Variants in PDCD10 observed in about 807,000 individuals in gnomAD.
PDCD10 encodes the protein programmed cell death 10, also known as programmed cell death protein 10.
PDCD10 carries 4 observed loss-of-function variants against 29.2 expected under a neutral mutation model. The observed-to-expected ratio is 0.14, with a 90% CI of 0.07 to 0.31. PDCD10 has a LOEUF of 0.31. Ranked by LOEUF, PDCD10 falls within the 10% of genes least tolerant of loss-of-function variation. The probability of loss-of-function intolerance (pLI) is 1.00; values close to 1 mark genes in which losing one functional copy is unlikely to be tolerated. For synonymous variants in PDCD10, 70 were observed against 82.2 expected (o/e 0.85, Z 0.80); for missense variants, 183 against 257.9 (o/e 0.71, Z 1.99).
At chr3:167,692,426 G>A (rs2108391953) in intron 6 of PDCD10, among the ~76,000 whole-genome samples, 1 of 152,284 alleles carries the variant, frequency 6.6e-6, no homozygotes, top group South Asian at 2.1e-4. Flanking sequence ...GTCAGACGTG[G>A]AATTTTCCAC....
chr3:167,692,658 C>T (rs930239006), intron 6 of PDCD10, among the ~76,000 whole-genome samples: 1 of 152,238 alleles, frequency 6.6e-6, no homozygotes, highest in Non-Finnish European at 1.5e-5. Flanking sequence ...TTGGCTCACA[C>T]CTGTAATCCC....
Position 167,720,057 on chromosome 3 carries a change from C to T in PDCD10, c.96+5G>A. Reference sequence around the variant, plus strand: ...TTCATGCAAGAACATGTTTACCCAACTCACCTCATTAAACACAGGATACAT... The same window carrying T: ...TTCATGCAAGAACATGTTTACCCAATTCACCTCATTAAACACAGGATACAT... On this transcript the variant is annotated splice_donor_5th_base_variant and intron_variant, in intron 3 of 8. Transcript: ENST00000392750. 2.6e-6 allele frequency: 4 copies of T among 1,550,658 alleles called. No homozygotes were observed. Among genetic ancestry groups the T allele is most frequent in the African/African-American group, 2.7e-5 (2 of 73,742 alleles).
Position 167,683,501 on chromosome 3 carries a change from A to G in PDCD10, c.*807T>C, listed in dbSNP as rs1407255517. 6.6e-6 allele frequency: 1 copy of G among 151,344 alleles called. No individual in the cohort carries two copies. The highest frequency in any genetic ancestry group is 1.5e-5 in the Non-Finnish European group (1 of 67,866). 9.4% of individuals were successfully genotyped at this position (151,344 alleles called of 1,614,324 possible). A position where few individuals can be genotyped will look rare whatever the true frequency, so the allele number is the denominator to read the frequency against. On this transcript the variant is annotated 3_prime_UTR_variant, in exon 9 of 9. Transcript: ENST00000392750. ...CTATTAATTGTGGCTATTTTTTGGGAAAAAATTGTGCAAAGCTTATGAGGG... is the reference window on the plus strand; with the variant it reads ...CTATTAATTGTGGCTATTTTTTGGGGAAAAATTGTGCAAAGCTTATGAGGG...
chr3:167,707,006 C>A (rs1469345990), intron 3 of PDCD10, among the ~76,000 whole-genome samples: 3 of 152,214 alleles, frequency 2.0e-5, no homozygotes, highest in Admixed American at 1.3e-4. Context: ...CTGGAGTCCA[C>A]TCTGTCACTG....
intron 3 of PDCD10, 64 bp downstream of exon 3, chr3:167,719,998 G>T: frequency 9.7e-7 from 1 of 1,029,390 alleles, no homozygotes; most frequent in Non-Finnish European, 1.5e-6. Context: ...ACAAGCAGAC[G>T]AATAAATAAA....
At chr3:167,731,929 G>A (rs1724859350) in intron 2 of PDCD10, among the ~76,000 whole-genome samples, 1 of 152,138 alleles carries the variant, frequency 6.6e-6, no homozygotes, top group South Asian at 2.1e-4. Context: ...AACAGTCCAA[G>A]GAGTGAGACG....
chr3:167,698,536 AAAAAC>A (rs556370487), intron 4 of PDCD10, among the ~76,000 whole-genome samples: 121 of 139,792 alleles, frequency 8.7e-4, no homozygotes, highest in African/African-American at 3.4e-3. Context: ...ACCTCGTATT[AAAAAC>A]AAAACAAAAC....
At chr3:167,718,747 A>G (rs897815269) in intron 3 of PDCD10, among the ~76,000 whole-genome samples, 2 of 151,318 alleles carry the variant, frequency 1.3e-5, no homozygotes, top group Non-Finnish European at 2.9e-5. Flanking sequence ...TTCAGCAGCT[A>G]TCTTGTATGC....
At position 167,695,687 on chromosome 3, in the gene PDCD10, C is replaced by T. The variant is rs753128265; in HGVS notation, c.304G>A (p.Asp102Asn). 6.2e-7 allele frequency: 1 copy of T among 1,613,506 alleles called. No individual in the cohort carries two copies. The highest frequency in any genetic ancestry group is 1.7e-5 in the Admixed American group (1 of 60,016). Residue 102 changes from aspartate (D) to asparagine (N), a missense_variant, in exon 6 of 9, where the codon GAC becomes AAC. Coordinates refer to ENST00000392750, the MANE Select transcript of PDCD10 (RefSeq NM_007217.4). ...AGTGCTCGTGCCTTTTCGTTTAGGT[C>T]TTGGAATTCTGGCTCTGGTCGTTCA... ...MIERPEPEFQDLNEKARALKQ... is the reference protein window; with the variant it reads ...MIERPEPEFQNLNEKARALKQ...
intron 6 of PDCD10, among the ~76,000 whole-genome samples, chr3:167,688,957 T>A (rs1286154529): frequency 6.6e-6 from 1 of 152,176 alleles, no homozygotes; most frequent in Non-Finnish European, 1.5e-5. Context: ...GCATACAGAA[T>A]TTTGATATTT....
intron 5 of PDCD10, 35 bp from the exon 6 acceptor site, chr3:167,695,757 C>A (rs202036232): frequency 2.5e-6 from 4 of 1,604,250 alleles, no homozygotes; most frequent in African/African-American, 2.7e-5. Flanking sequence ...AAACATCCTG[C>A]GACTCTCTGC....
intron 2 of PDCD10, among the ~76,000 whole-genome samples, chr3:167,723,879 C>T (rs1382638660): frequency 6.6e-6 from 1 of 152,224 alleles, no homozygotes; most frequent in East Asian, 1.9e-4. Context: ...ATTTACCCCT[C>T]ATTTTCTTGA....
chr3:167,704,534 G>C (rs1368036517), intron 4 of PDCD10: 1 of 240,926 alleles, frequency 4.2e-6, no homozygotes, highest in Non-Finnish European at 8.0e-6. Flanking sequence ...AGCCATATAA[G>C]TTTTCAAAAG....
At chr3:167,687,548 T>A (rs780322739) in intron 7 of PDCD10, 67 bp downstream of exon 7, 12 of 911,304 alleles carry the variant, frequency 1.3e-5, no homozygotes, top group African/African-American at 6.5e-5. Context: ...TATTTTTAAG[T>A]CAATAAAACA....
chr3:167,687,397 T>C (rs1719737545), intron 7 of PDCD10, 81 bp from the exon 8 acceptor site: 2 of 862,984 alleles, frequency 2.3e-6, no homozygotes, highest in Admixed American at 1.8e-5. Context: ...GACAAGAGAT[T>C]ACACAGGATA....
chr3:167,720,725 G>A (rs968172287), intron 2 of PDCD10, among the ~76,000 whole-genome samples: 5 of 152,090 alleles, frequency 3.3e-5, no homozygotes, highest in African/African-American at 9.7e-5. Context: ...GAACTAGGGT[G>A]TTTTAACATT....
At chr3:167,708,647 GA>G (rs1224813310) in intron 3 of PDCD10, among the ~76,000 whole-genome samples, 1 of 152,172 alleles carries the variant, frequency 6.6e-6, no homozygotes, top group Non-Finnish European at 1.5e-5. Flanking sequence ...ATGGAATCAA[GA>G]AGTCACTTAT....
chr3:167,727,290 T>C (rs1439505230), intron 2 of PDCD10, among the ~76,000 whole-genome samples: 1 of 152,208 alleles, frequency 6.6e-6, no homozygotes, highest in Non-Finnish European at 1.5e-5. Flanking sequence ...ATAGTAACAA[T>C]TGGCTCCTAC....
At position 167,683,685 on chromosome 3, in the gene PDCD10, ATAAG is replaced by A. The variant is rs1719282773; in HGVS notation, c.*619_*622del. ...ATCATATAAAAATACTCAGTACCTTATAAGTAATTAACAAAAATATTTCCATTGA... is the reference window on the plus strand; with the variant it reads ...ATCATATAAAAATACTCAGTACCTTATAATTAACAAAAATATTTCCATTGA... On this transcript the variant is annotated 3_prime_UTR_variant, in exon 9 of 9. Transcript: ENST00000392750. 3 of 151,882 alleles carry A rather than the reference ATAAG, an allele frequency of 2.0e-5. No homozygotes were observed. Among genetic ancestry groups the A allele is most frequent in the African/African-American group, 7.2e-5 (3 of 41,406 alleles). The allele number at this position is 151,882 out of a possible 1,614,324, so 9.4% of individuals were successfully genotyped here.
Sources: allele counts gnomAD v4.1 joint callset (sites outside exome capture counted in the v4.1 genomes callset), GRCh38; gene constraint gnomAD v4.1.1; transcripts MANE v1.5; gene names NCBI Gene and HGNC (gene_info 2026-07-23, HGNC 2026-07-21).